The following PRSS23 variants were observed in gnomAD, a reference collection of about 807,000 sequenced individuals.
PRSS23 encodes the protein serine protease 23.
PRSS23 carries 25 observed loss-of-function variants against 34.7 expected under a neutral mutation model. The observed-to-expected ratio is 0.72, with a 90% confidence interval of 0.53 to 1.01. The LOEUF is 1.01. PRSS23 is among the 50% of genes least tolerant of loss of function. The pLI, the probability that PRSS23 is intolerant of heterozygous loss-of-function variation, is 0.00. For missense variants in PRSS23, 445 were observed against 475.6 expected (o/e 0.94, Z 0.60); for synonymous variants, 176 against 186.6 (o/e 0.94, Z 0.46).
intron 2 of PRSS23, among the ~76,000 whole-genome samples, chr11:86,829,909 C>T (rs1481679113): frequency 1.3e-5 from 2 of 152,156 alleles, no homozygotes; most frequent in South Asian, 2.1e-4. Context: ...CTGGGGGGTG[C>T]CTCCCAGTTA....
chr11:86,839,826 C>A (rs1360454613), intron 2 of PRSS23, among the ~76,000 whole-genome samples: 2 of 150,046 alleles, frequency 1.3e-5, no homozygotes, highest in Non-Finnish European at 3.0e-5. Context: ...AATTTTCAAT[C>A]CAGAATCTCG....
intron 2 of PRSS23, among the ~76,000 whole-genome samples, chr11:86,895,758 G>T (rs1294126586): frequency 6.6e-6 from 1 of 152,110 alleles, no homozygotes; most frequent in African/African-American, 2.4e-5. Context: ...GGGACTACAG[G>T]TGTGAACCAC....
At chr11:86,855,275 C>G (rs189576517) in intron 2 of PRSS23, among the ~76,000 whole-genome samples, 1 of 152,008 alleles carries the variant, frequency 6.6e-6, no homozygotes, top group Admixed American at 6.6e-5. Flanking sequence ...TAAAAACTAG[C>G]ATAATGAGAA....
intron 2 of PRSS23, among the ~76,000 whole-genome samples, chr11:86,944,236 T>C (rs763487110): frequency 6.6e-6 from 1 of 151,714 alleles, no homozygotes; most frequent in African/African-American, 2.4e-5. Flanking sequence ...CATTCTCCTC[T>C]CTGTGTCTGT....
intron 2 of PRSS23, chr11:86,940,871 T>C (rs1302413094): frequency 6.6e-6 from 1 of 152,212 alleles, no homozygotes; most frequent in Non-Finnish European, 1.5e-5. Flanking sequence ...ATTTATACAA[T>C]TATGACAACA....
At chr11:86,908,292 G>A (rs1159053809) in intron 2 of PRSS23, among the ~76,000 whole-genome samples, 2 of 152,140 alleles carry the variant, frequency 1.3e-5, no homozygotes, top group African/African-American at 4.8e-5. Context: ...GCTTTCCATA[G>A]CAGCTTCACC....
Position 86,809,667 on chromosome 11 carries a change from G to A in PRSS23, c.*872G>A, listed in dbSNP as rs933135487. ...GTATTTCCTCCCAGCAAACAGTTGTGGCCACACTAAAAACAATCATAGCAT... is the reference window on the plus strand; with the variant it reads ...GTATTTCCTCCCAGCAAACAGTTGTAGCCACACTAAAAACAATCATAGCAT... On this transcript the variant is annotated 3_prime_UTR_variant, in exon 2 of 2. Coordinates refer to ENST00000280258, the MANE Select transcript of PRSS23 (RefSeq NM_007173.6). 6.0e-6 allele frequency: 1 copy of A among 166,884 alleles called. No homozygotes were observed. The highest frequency in any genetic ancestry group is 6.5e-5 in the Admixed American group (1 of 15,274). The allele number at this position is 166,884 out of a possible 1,614,324, so 10.3% of individuals were successfully genotyped here. A position where few individuals can be genotyped will look rare whatever the true frequency, so the allele number is the denominator to read the frequency against.
intron 2 of PRSS23, among the ~76,000 whole-genome samples, chr11:86,939,426 A>ATATTTTT: frequency 3.5e-3 from 333 of 93,992 alleles, no homozygotes; most frequent in African/African-American, 9.6e-3. Context: ...ATATATATAT[A>ATATTTTT]TTTTTTAACA....
chr11:86,848,537 A>G (rs1262088183), intron 2 of PRSS23, among the ~76,000 whole-genome samples: 1 of 152,188 alleles, frequency 6.6e-6, no homozygotes, highest in Admixed American at 6.5e-5. Context: ...CCCAGGGAAA[A>G]GAAGAAAATC....
upstream of PRSS23, chr11:86,800,412 G>A: frequency 1.0e-6 from 1 of 974,344 alleles, no homozygotes; most frequent in Middle Eastern, 5.2e-4. Context: ...AGGGGAGGGG[G>A]GCACGGTTTA....
At chr11:86,793,765 C>G (rs928581420) in intron 1 of PRSS23, among the ~76,000 whole-genome samples, 1 of 151,962 alleles carries the variant, frequency 6.6e-6, no homozygotes, top group Non-Finnish European at 1.5e-5. Context: ...ATTAAATAAG[C>G]CTTTACAAAG....
At position 86,907,468 on chromosome 11, in the gene PRSS23, A is replaced by AT. The variant is rs1408404807; in HGVS notation, c.207-43742dup. ...TAACATGAGATCTATCCTCTTAACA[A>AT]TTTTTTGTGTTTTTTTGAGACAGGG... On this transcript the variant is annotated intron_variant, in intron 2 of 2. Transcript: ENST00000533902. Among the ~76,000 whole-genome samples the AT allele has an allele frequency of 6.8e-5, 9 of 131,974 alleles. No individual in the cohort carries two copies. In the East Asian group the frequency reaches 1.4e-3, roughly 21 times the overall value. 86.6% of individuals were successfully genotyped at this position (131,974 alleles called of 152,430 possible).
intron 2 of PRSS23, among the ~76,000 whole-genome samples, chr11:86,930,087 G>A (rs960491457): frequency 2.0e-5 from 3 of 151,824 alleles, no homozygotes; most frequent in Non-Finnish European, 2.9e-5. Context: ...TAGTGGTATA[G>A]TATGTGTATA....
At position 86,951,014 on chromosome 11, in the gene PRSS23, C is replaced by T. The variant is rs530994733; in HGVS notation, c.207-202C>T. The T allele has an allele frequency of 2.1e-4, 213 of 1,005,416 alleles. 3 individuals are homozygous for T. Among genetic ancestry groups the T allele is most frequent in the South Asian group, 2.1e-3 (158 of 76,204 alleles). The allele number at this position is 1,005,416 out of a possible 1,614,324, so 62.3% of individuals were successfully genotyped here. A position where few individuals can be genotyped will look rare whatever the true frequency, so the allele number is the denominator to read the frequency against. ...GTCGGGGTGGGAGGCAGTGGGTTGA[C>T]GGGGGTCACTTAATTGTTGCTAGTT... is the stretch of plus-strand genomic sequence containing the variant. On this transcript the variant is annotated intron_variant, in intron 2 of 2. Transcript: ENST00000533902.
chr11:86,858,524 T>C (rs1199311968), intron 2 of PRSS23, among the ~76,000 whole-genome samples: 3 of 151,842 alleles, frequency 2.0e-5, no homozygotes, highest in Non-Finnish European at 2.9e-5. Context: ...GTTCCTAATA[T>C]CCAAGGGAAG....
chr11:86,867,622 G>A (rs1025678865), intron 2 of PRSS23, among the ~76,000 whole-genome samples: 1 of 152,200 alleles, frequency 6.6e-6, no homozygotes, highest in African/African-American at 2.4e-5. Context: ...GCTCATGCCT[G>A]TAATCCCAGC....
chr11:86,825,271 A>G (rs1264992415), intron 2 of PRSS23, among the ~76,000 whole-genome samples: 3 of 152,012 alleles, frequency 2.0e-5, no homozygotes, highest in African/African-American at 4.8e-5. Context: ...GGCTGCATAA[A>G]TGTCTTCTTT....
intron 2 of PRSS23, among the ~76,000 whole-genome samples, chr11:86,914,687 C>T (rs187076362): frequency 2.1e-3 from 324 of 152,004 alleles, no homozygotes; most frequent in African/African-American, 7.6e-3. Flanking sequence ...ACCTTTTTTC[C>T]CCTTTTTAGT....
intron 2 of PRSS23, chr11:86,832,721 AG>A: frequency 3.2e-6 from 1 of 309,170 alleles, no homozygotes; most frequent in Non-Finnish European, 6.3e-6. Context: ...AACAACTGAC[AG>A]GGGAGACCCA....
Sources: allele counts gnomAD v4.1 joint callset (sites outside exome capture counted in the v4.1 genomes callset), GRCh38; gene constraint gnomAD v4.1.1; transcripts MANE v1.5; gene names NCBI Gene and HGNC (gene_info 2026-07-23, HGNC 2026-07-21).